Variants in SMOC1 observed in about 807,000 individuals in gnomAD.
SMOC1 encodes SPARC related modular calcium binding 1, also known as SPARC-related modular calcium-binding protein 1.
A neutral mutation model predicts 56.3 loss-of-function variants in SMOC1; 22 were observed. That is an observed-to-expected ratio of 0.39 (90% CI 0.28 to 0.56). The LOEUF (loss-of-function observed/expected upper bound fraction) is 0.56, where lower values mean the gene tolerates loss of function less well. Among genes scored for constraint, SMOC1 ranks in the 20% least tolerant of loss-of-function variants. SMOC1 has a pLI of 0.61. For synonymous variants in SMOC1, 193 were observed against 215.0 expected (o/e 0.90, Z 0.89); for missense variants, 509 against 565.4 (o/e 0.90, Z 1.01).
At chr14:70,022,313 C>T (rs1473856631) in intron 10 of SMOC1, among the ~76,000 whole-genome samples, 1 of 152,212 alleles carries the variant, frequency 6.6e-6, no homozygotes, top group East Asian at 1.9e-4. Flanking sequence ...CATACAGTTA[C>T]ACATGTAGAC....
chr14:69,912,141 T>C (rs1167628754), intron 1 of SMOC1, among the ~76,000 whole-genome samples: 1 of 152,240 alleles, frequency 6.6e-6, no homozygotes, highest in African/African-American at 2.4e-5. Context: ...AATGAAGTCA[T>C]GTGTATAGTC....
At chr14:69,952,584 C>T (rs1020235822) in intron 2 of SMOC1, among the ~76,000 whole-genome samples, 2 of 152,160 alleles carry the variant, frequency 1.3e-5, no homozygotes, top group African/African-American at 4.8e-5. Flanking sequence ...TGCTTAAAAC[C>T]GCAAGACATT....
chr14:69,944,371 G>A (rs1011895279), intron 1 of SMOC1, among the ~76,000 whole-genome samples: 1 of 152,194 alleles, frequency 6.6e-6, no homozygotes, highest in African/African-American at 2.4e-5. Flanking sequence ...ACAGTCCAGA[G>A]GTAGGAAGGA....
intron 10 of SMOC1, among the ~76,000 whole-genome samples, chr14:70,021,195 T>C (rs1229416119): frequency 6.6e-6 from 1 of 152,174 alleles, no homozygotes. Flanking sequence ...AGTTCCTTCC[T>C]TGGGGGCCTT....
chr14:70,015,172 T>C (rs1339631657), intron 10 of SMOC1, among the ~76,000 whole-genome samples: 1 of 151,768 alleles, frequency 6.6e-6, no homozygotes, highest in Non-Finnish European at 1.5e-5. Context: ...CATTATGCTA[T>C]GTGAAATGAG....
chr14:69,983,587 T>C (rs1884257734), intron 5 of SMOC1, among the ~76,000 whole-genome samples: 1 of 152,172 alleles, frequency 6.6e-6, no homozygotes, highest in South Asian at 2.1e-4. Context: ...GTGTGGTAGC[T>C]CCTGTAGCCA....
At chr14:69,885,642 C>A (rs1298966374) in intron 1 of SMOC1, 50 of 1,455,848 alleles carry the variant, frequency 3.4e-5, no homozygotes, top group Non-Finnish European at 2.9e-6. Context: ...AAGAAGACAA[C>A]CAGCTCGATG....
chr14:69,911,271 T>A (rs1190366189), intron 1 of SMOC1, among the ~76,000 whole-genome samples: 4 of 152,166 alleles, frequency 2.6e-5, no homozygotes, highest in African/African-American at 9.6e-5. Context: ...ATGGAATAGG[T>A]TAGGGCAGAT....
intron 10 of SMOC1, among the ~76,000 whole-genome samples, chr14:70,021,462 C>T (rs1025826945): frequency 6.6e-6 from 1 of 152,178 alleles, no homozygotes; most frequent in Admixed American, 6.5e-5. Context: ...TTTCAAAGAC[C>T]TCCTGAGCCT....
chr14:69,928,359 G>A (rs139315506), intron 1 of SMOC1, among the ~76,000 whole-genome samples: 1 of 152,302 alleles, frequency 6.6e-6, no homozygotes, highest in Non-Finnish European at 1.5e-5. Flanking sequence ...TTGGCAAATT[G>A]CGACTTTTTC....
At chr14:70,015,461 C>CAA (rs57899033) in intron 10 of SMOC1, among the ~76,000 whole-genome samples, 3 of 150,472 alleles carry the variant, frequency 2.0e-5, no homozygotes, top group Non-Finnish European at 4.4e-5. Context: ...ACAACAACAA[C>CAA]AAAAAAAAAA....
At chr14:69,986,927 T>A (rs879797402) in intron 5 of SMOC1, among the ~76,000 whole-genome samples, 3 of 152,216 alleles carry the variant, frequency 2.0e-5, no homozygotes, top group Non-Finnish European at 4.4e-5. Flanking sequence ...ATCAGGACAG[T>A]TCACCATCCA....
rs1419675011 is a variant in SMOC1 at position 70,013,305 on chromosome 14, T to C, written c.941-81T>C. 20 of 1,279,620 alleles carry C rather than the reference T, an allele frequency of 1.6e-5. No homozygotes were observed. In the East Asian group the frequency reaches 4.4e-4, roughly 28 times the overall value. 79.3% of individuals were successfully genotyped at this position (1,279,620 alleles called of 1,614,324 possible). A position where few individuals can be genotyped will look rare whatever the true frequency, so the allele number is the denominator to read the frequency against. On this transcript the variant is annotated intron_variant, in intron 9 of 11. Transcript: ENST00000361956. ...CTGGACAAGAAGGGCTTTGAGAAGTTTAGGAAAGGATGGTAGTTGAGAAAG... is the reference window on the plus strand; with the variant it reads ...CTGGACAAGAAGGGCTTTGAGAAGTCTAGGAAAGGATGGTAGTTGAGAAAG...
At chr14:69,971,550 A>G (rs1243038126) in intron 3 of SMOC1, among the ~76,000 whole-genome samples, 1 of 152,244 alleles carries the variant, frequency 6.6e-6, no homozygotes, top group African/African-American at 2.4e-5. Flanking sequence ...TATTTGAAAT[A>G]GCCAATTGCC....
At chr14:69,932,693 G>C (rs1885198413) in intron 1 of SMOC1, among the ~76,000 whole-genome samples, 1 of 152,194 alleles carries the variant, frequency 6.6e-6, no homozygotes, top group Admixed American at 6.5e-5. Flanking sequence ...CGACCCCTGT[G>C]CTTTGGGAGC....
chr14:70,026,927 A>G (rs766692116), intron 11 of SMOC1, among the ~76,000 whole-genome samples: 1 of 152,192 alleles, frequency 6.6e-6, no homozygotes, highest in African/African-American at 2.4e-5. Context: ...ATGTGTCTGC[A>G]TATGTGTGTG....
intron 5 of SMOC1, among the ~76,000 whole-genome samples, chr14:69,981,237 G>C (rs1594836779): frequency 1.3e-5 from 2 of 151,910 alleles, no homozygotes; most frequent in East Asian, 3.9e-4. Context: ...GAAGGAGGGG[G>C]AGACACTGTT....
rs560811965 is a variant in SMOC1 at position 69,928,767 on chromosome 14, A to G, written c.100-23371A>G. Among the ~76,000 whole-genome samples the G allele has an allele frequency of 4.6e-5, 7 of 152,334 alleles. No homozygotes were observed. In the East Asian group the frequency reaches 1.3e-3, roughly 29 times the overall value. Reference sequence around the variant, plus strand: ...GCCTAATTAATGTACCCATCTGAGTAGAGTTATTAATATTATATATCTTCA... The same window carrying G: ...GCCTAATTAATGTACCCATCTGAGTGGAGTTATTAATATTATATATCTTCA... On this transcript the variant is annotated intron_variant, in intron 1 of 11. Coordinates refer to ENST00000361956, the MANE Select transcript of SMOC1 (RefSeq NM_001034852.3).
intron 1 of SMOC1, among the ~76,000 whole-genome samples, chr14:69,937,322 T>C (rs1446131252): frequency 6.6e-6 from 1 of 152,222 alleles, no homozygotes; most frequent in Non-Finnish European, 1.5e-5. Context: ...TCTGGACTAA[T>C]AGAAAAAGAT....
Sources: gnomAD v4.1 joint callset for allele counts (sites outside exome capture counted in the v4.1 genomes callset) on GRCh38, gnomAD v4.1.1 for gene constraint, MANE v1.5 for transcripts, NCBI Gene and HGNC (gene_info 2026-07-23, HGNC 2026-07-21) for gene names.